The following ELAC2 variants were observed in gnomAD, a reference collection of about 807,000 sequenced individuals.
ELAC2 encodes zinc phosphodiesterase ELAC protein 2.
In ELAC2, 92 loss-of-function variants were observed where a neutral mutation model predicts 105.2. The observed-to-expected ratio is 0.87, with a 90% CI of 0.74 to 1.04. The LOEUF (loss-of-function observed/expected upper bound fraction) is 1.04. Ranked by LOEUF, ELAC2 falls within the 50% of genes least tolerant of loss-of-function variation. The probability of loss-of-function intolerance (pLI) is 0.00; values close to 1 mark genes in which losing one functional copy is unlikely to be tolerated. For missense variants in ELAC2, 1,099 were observed against 1,071.7 expected, an observed-to-expected ratio of 1.03 and a Z score of -0.36; for synonymous variants, 468 against 409.1, an observed-to-expected ratio of 1.14 and a Z score of -1.74.
chr17:13,010,952 A>G (rs1362758162), intron 7 of ELAC2, among the ~76,000 whole-genome samples: 1 of 152,220 alleles, frequency 6.6e-6, no homozygotes, highest in African/African-American at 2.4e-5. Context: ...CTAGGACTGG[A>G]GAAGACAGAG....
intron 13 of ELAC2, 26 bp from the exon 14 acceptor site, chr17:13,002,385 G>T (rs1309499377): frequency 6.2e-7 from 1 of 1,614,166 alleles, no homozygotes; most frequent in Admixed American, 1.7e-5. Flanking sequence ...CACATTCATG[G>T]AGAGAAAGAG....
At chr17:13,015,663 G>T in intron 4 of ELAC2, 105 bp downstream of exon 4, 1 of 911,072 alleles carries the variant, frequency 1.1e-6, no homozygotes, top group Non-Finnish European at 1.8e-6. Context: ...TCAACGACCA[G>T]GTATCTCTGG....
At chr17:13,007,457 G>C (rs1336892100) in intron 8 of ELAC2, among the ~76,000 whole-genome samples, 1 of 152,166 alleles carries the variant, frequency 6.6e-6, no homozygotes, top group East Asian at 1.9e-4. Flanking sequence ...CAGCTTCAGT[G>C]TGCACATCAC....
intron 1 of ELAC2, 43 bp from the exon 2 acceptor site, chr17:13,017,164 C>A: frequency 6.6e-7 from 1 of 1,520,096 alleles, no homozygotes; most frequent in Non-Finnish European, 9.1e-7. Context: ...AGGTTTTATT[C>A]TGTAAACTCT....
intron 23 of ELAC2, 64 bp downstream of exon 23, chr17:12,993,623 C>G (rs991422844): frequency 7.1e-5 from 115 of 1,610,038 alleles, no homozygotes; most frequent in Non-Finnish European, 9.5e-5. Context: ...CCGTCCTACT[C>G]AGTGTGTAGA....
chr17:13,007,312 C>T lies in ELAC2; in HGVS notation c.739-1333G>A, dbSNP rs1267663983. On this transcript the variant is annotated intron_variant, in intron 8 of 23. Coordinates refer to ENST00000338034, the MANE Select transcript of ELAC2 (RefSeq NM_018127.7). ...ATTTTCTCCTTTAAATCTTCATCAA[C>T]TGTGCATCTTCTTTTAACTCTCTGA... Among the ~76,000 whole-genome samples the T allele has an allele frequency of 2.0e-5, 3 of 152,136 alleles. No individual in the cohort carries two copies. In the South Asian group the frequency reaches 6.2e-4, roughly 32 times the overall value.
In ELAC2 at chr17:12,992,008, C is replaced by A. The variant is rs564770913; in HGVS notation, c.*810G>T. Reference sequence around the variant, plus strand: ...TTCGAGGGCAAAGTGATCCTCACTCCTCTCAGTATGGAAGCAACAACACAG... The same window carrying A: ...TTCGAGGGCAAAGTGATCCTCACTCATCTCAGTATGGAAGCAACAACACAG... On this transcript the variant is annotated 3_prime_UTR_variant, in exon 24 of 24. Transcript: ENST00000338034. Among the ~76,000 whole-genome samples the A allele has an allele frequency of 1.3e-4, 20 of 152,332 alleles. No individual in the cohort carries two copies. Among genetic ancestry groups the A allele is most frequent in the African/African-American group, 4.6e-4 (19 of 41,584 alleles).
chr17:13,006,928 T>G (rs903445118), intron 8 of ELAC2, among the ~76,000 whole-genome samples: 3 of 151,982 alleles, frequency 2.0e-5, no homozygotes, highest in Non-Finnish European at 4.4e-5. Context: ...AAGACCACCC[T>G]GGCTAAGACG....
At chr17:12,996,958 AAG>A (rs2040508873) in intron 16 of ELAC2, among the ~76,000 whole-genome samples, 1 of 151,962 alleles carries the variant, frequency 6.6e-6, no homozygotes, top group South Asian at 2.1e-4. Context: ...AAAAAAAAAA[AAG>A]TTTATAGGAG....
intron 14 of ELAC2, among the ~76,000 whole-genome samples, chr17:13,001,675 G>T (rs73981616): frequency 6.6e-6 from 1 of 151,914 alleles, no homozygotes; most frequent in Non-Finnish European, 1.5e-5. Context: ...ATTTAGGAAT[G>T]ACTTGAAGGG....
intron 15 of ELAC2, among the ~76,000 whole-genome samples, chr17:12,999,647 T>A (rs1169022218): frequency 6.9e-6 from 1 of 144,518 alleles, no homozygotes; most frequent in Admixed American, 7.2e-5. Context: ...TTGGGTGGGA[T>A]GGGGCACAGG....
At chr17:13,013,833 G>A (rs972421150) in intron 5 of ELAC2, among the ~76,000 whole-genome samples, 2 of 151,836 alleles carry the variant, frequency 1.3e-5, no homozygotes, top group African/African-American at 4.8e-5. Context: ...TGTCACCCCC[G>A]CCCCCAACTC....
rs1287640346 is a variant in ELAC2 at position 13,017,102 on chromosome 17, C to T, written c.265G>A (p.Glu89Lys). 1 of 1,613,978 alleles carries T rather than the reference C, an allele frequency of 6.2e-7. No homozygotes were observed. Among genetic ancestry groups the T allele is most frequent in the African/African-American group, 1.3e-5 (1 of 74,962 alleles). Residue 89 changes from glutamate to lysine, a missense_variant, in exon 2 of 24, where the codon GAA becomes AAA. Transcript: ENST00000338034. ...EFNRYLFNCGEGVQRLMQEHK... is the reference protein window; with the variant it reads ...EFNRYLFNCGKGVQRLMQEHK... ...TCCTGCATGAGTCTCTGAACGCCTT[C>T]TCCACAGTTGAAGAGATACCTACAA...
chr17:13,017,545 G>A (rs1439574422), intron 1 of ELAC2, 158 bp downstream of exon 1: 1 of 1,358,584 alleles, frequency 7.4e-7, no homozygotes. Flanking sequence ...TGGATGCAAA[G>A]AATCTCGGAT....
intron 15 of ELAC2, 75 bp downstream of exon 15, chr17:13,000,081 T>G (rs900219877): frequency 5.0e-6 from 7 of 1,408,766 alleles, no homozygotes; most frequent in Non-Finnish European, 7.0e-6. Flanking sequence ...CCACCAGCAC[T>G]CCACTTAATG....
rs1394576226 is a variant in ELAC2, at chr17:12,995,993, G to A, written c.1660-15C>T. 6.3e-7 allele frequency: 1 copy of A among 1,588,720 alleles called. No individual in the cohort carries two copies. The highest frequency in any genetic ancestry group is 8.6e-7 in the Non-Finnish European group (1 of 1,165,962). ...CTTGGCAAGCCCTGGCAAGGAAACA[G>A]GAGACATGCGTCAGCCAGGCCCCAG... On this transcript the variant is annotated splice_polypyrimidine_tract_variant and intron_variant, in intron 17 of 23. Transcript: ENST00000338034.
intron 11 of ELAC2, 196 bp from the exon 12 acceptor site, chr17:13,003,770 G>C (rs2040958905): frequency 1.6e-6 from 1 of 608,320 alleles, no homozygotes; most frequent in Non-Finnish European, 3.0e-6. Flanking sequence ...AATGGACGTG[G>C]GATTCCTGTA....
At chr17:12,996,367 A>G in intron 17 of ELAC2, 180 bp downstream of exon 17, 1 of 853,668 alleles carries the variant, frequency 1.2e-6, no homozygotes, top group Non-Finnish European at 1.9e-6. Flanking sequence ...GGAAGAGAAG[A>G]CATTCTTGTG....
rs149112672 is a variant in ELAC2 at position 12,998,524 on chromosome 17, T to G, written c.1424-16A>C. 1 of 1,609,326 alleles carries G rather than the reference T, an allele frequency of 6.2e-7. No individual in the cohort carries two copies. The highest frequency in any genetic ancestry group is 8.5e-7 in the Non-Finnish European group (1 of 1,175,644). ...CTTCTTTTCTCTGTGAAAAAATCCATGTGAAACAATCCATTCCTTTGGGTC... is the reference window on the plus strand; with the variant it reads ...CTTCTTTTCTCTGTGAAAAAATCCAGGTGAAACAATCCATTCCTTTGGGTC... On this transcript the variant is annotated splice_polypyrimidine_tract_variant and intron_variant, in intron 15 of 23. Coordinates refer to ENST00000338034, the MANE Select transcript of ELAC2 (RefSeq NM_018127.7).
Sources: allele counts gnomAD v4.1 joint callset (sites outside exome capture counted in the v4.1 genomes callset), GRCh38; gene constraint gnomAD v4.1.1; transcripts MANE v1.5; gene names NCBI Gene and HGNC (gene_info 2026-07-23, HGNC 2026-07-21).